SUN3: variants seen among roughly 807,000 people sequenced by gnomAD.
SUN3 encodes Sad1 and UNC84 domain containing 3.
SUN3 carries 36 observed loss-of-function variants against 48.2 expected under a neutral mutation model. The ratio of observed to expected loss-of-function variants is 0.75; its 90% confidence interval spans 0.57 to 0.99. The LOEUF (loss-of-function observed/expected upper bound fraction) is 0.99. Among genes scored for constraint, SUN3 ranks in the 50% least tolerant of loss-of-function variants. The probability of loss-of-function intolerance (pLI) is 0.00; values close to 1 mark genes in which losing one functional copy is unlikely to be tolerated. For synonymous variants in SUN3, 148 were observed against 147.9 expected (o/e 1.00, Z 0.00); for missense variants, 419 against 433.1 (o/e 0.97, Z 0.29).
intron 6 of SUN3, among the ~76,000 whole-genome samples, chr7:47,998,408 T>C (rs1789270179): frequency 6.6e-6 from 1 of 152,152 alleles, no homozygotes; most frequent in East Asian, 1.9e-4. Context: ...ATTTTTTATC[T>C]GGTTGTCTGT....
intron 3 of SUN3, among the ~76,000 whole-genome samples, chr7:48,015,980 A>G (rs1346037182): frequency 6.6e-6 from 1 of 152,172 alleles, no homozygotes; most frequent in Non-Finnish European, 1.5e-5. Flanking sequence ...AAGATTAGAA[A>G]TTACAGTTTA....
chr7:47,989,289 G>A (rs544537192), intron 8 of SUN3, among the ~76,000 whole-genome samples: 30 of 152,274 alleles, frequency 2.0e-4, no homozygotes, highest in Non-Finnish European at 3.4e-4. Context: ...ATAAAAATGC[G>A]TCGCCATACT....
intron 9 of SUN3, 88 bp from the exon 10 acceptor site, chr7:47,987,537 T>C: frequency 7.8e-7 from 1 of 1,277,834 alleles, no homozygotes; most frequent in African/African-American, 1.6e-5. Context: ...TTAAATTATA[T>C]ACTTTTTTTT....
intron 5 of SUN3, 21 bp downstream of exon 5, chr7:48,007,144 C>A: frequency 1.9e-6 from 3 of 1,601,154 alleles, no homozygotes; most frequent in Non-Finnish European, 2.6e-6. Context: ...CCTGCCCAAC[C>A]CGCCTAGCCT....
intron 8 of SUN3, among the ~76,000 whole-genome samples, chr7:47,991,458 C>T (rs554246579): frequency 9.9e-5 from 15 of 152,248 alleles, no homozygotes; most frequent in African/African-American, 3.4e-4. Context: ...TGTTTTGAAA[C>T]TCCAGATATG....
At chr7:48,032,650 A>T (rs73337818), upstream of SUN3, among the ~76,000 whole-genome samples, 750 of 152,358 alleles carry the variant, frequency 4.9e-3, 5 homozygotes, top group African/African-American at 0.017. Flanking sequence ...AGATTATCAG[A>T]AAAAAGCACA....
At chr7:48,023,058 G>A (rs755499223) in intron 2 of SUN3, among the ~76,000 whole-genome samples, 30 of 152,076 alleles carry the variant, frequency 2.0e-4, no homozygotes, top group Non-Finnish European at 3.5e-4. Flanking sequence ...ACTCAATGCC[G>A]CATGAAGCAA....
rs1789553853 is a variant in SUN3 at position 48,007,321 on chromosome 7, TTCCTTCCTGTAAAGGGAAAATC to T, written c.330-16_335del. 3 of 1,613,428 alleles carry T rather than the reference TTCCTTCCTGTAAAGGGAAAATC, an allele frequency of 1.9e-6. No homozygotes were observed. Among genetic ancestry groups the T allele is most frequent in the Non-Finnish European group, 2.5e-6 (3 of 1,179,532 alleles). On this transcript the variant is annotated splice_acceptor_variant and splice_polypyrimidine_tract_variant and coding_sequence_variant and intron_variant, in exon 5 of 10. Coordinates refer to ENST00000297325, the MANE Select transcript of SUN3 (RefSeq NM_001030019.2). LOFTEE classifies it high-confidence loss of function. ...GAAAATTGTTTTCCAGATTCTGGCT[TTCCTTCCTGTAAAGGGAAAATC>T]TCAGCATGAGAGGAAGAAAGTGTAA...
At chr7:48,024,989 T>A (rs1241499913) in intron 2 of SUN3, among the ~76,000 whole-genome samples, 1 of 152,140 alleles carries the variant, frequency 6.6e-6, no homozygotes, top group Non-Finnish European at 1.5e-5. Context: ...CTTGTGGGAA[T>A]GTAAAATAGT....
chr7:48,007,854 C>T (rs1789574847), intron 4 of SUN3, among the ~76,000 whole-genome samples: 1 of 149,546 alleles, frequency 6.7e-6, no homozygotes, highest in Admixed American at 6.6e-5. Flanking sequence ...GATGGAGTCT[C>T]ACTCTGTCCC....
chr7:47,999,695 C>G (rs1249766067), intron 6 of SUN3, among the ~76,000 whole-genome samples: 1 of 152,180 alleles, frequency 6.6e-6, no homozygotes, highest in African/African-American at 2.4e-5. Flanking sequence ...CGCCACCGCG[C>G]CTGGCTGTTT....
At chr7:47,990,489 C>G (rs1789025087) in intron 8 of SUN3, among the ~76,000 whole-genome samples, 1 of 152,034 alleles carries the variant, frequency 6.6e-6, no homozygotes, top group Non-Finnish European at 1.5e-5. Flanking sequence ...GAGACTGGTG[C>G]CGGCGCGGGT....
At position 48,007,300 on chromosome 7, in the gene SUN3, A is replaced by T. The variant is rs1223230539; in HGVS notation, c.357T>A (p.Asn119Lys). ...LKKESQNLEN[N>K]FRQILFLIEQ... Reference sequence around the variant, plus strand: ...CGATCAAAAATAGAATTTGACGAAAATTGTTTTCCAGATTCTGGCTTTCCT... The same window carrying T: ...CGATCAAAAATAGAATTTGACGAAATTTGTTTTCCAGATTCTGGCTTTCCT... Residue 119 changes from asparagine (N) to lysine (K), a missense_variant, in exon 5 of 10, where the codon AAT becomes AAA. Physicochemically the swap from Asn to Lys is moderately conservative, Grantham distance 94. Transcript: ENST00000297325. The T allele has an allele frequency of 1.9e-6, 3 of 1,613,902 alleles. No individual in the cohort carries two copies. Among genetic ancestry groups the T allele is most frequent in the Non-Finnish European group, 2.5e-6 (3 of 1,179,954 alleles).
upstream of SUN3, among the ~76,000 whole-genome samples, chr7:48,031,441 G>A (rs1790255433): frequency 6.6e-6 from 1 of 152,204 alleles, no homozygotes; most frequent in South Asian, 2.1e-4. Flanking sequence ...TGAGGCAGGA[G>A]GACTGCTTGA....
At chr7:48,001,555 A>C (rs1196851993) in intron 6 of SUN3, among the ~76,000 whole-genome samples, 2 of 106,514 alleles carry the variant, frequency 1.9e-5, no homozygotes, top group African/African-American at 3.5e-5. Flanking sequence ...TTTTTTTGAG[A>C]CAGAGTCTCG....
intron 1 of SUN3, 134 bp downstream of exon 1, chr7:48,028,683 C>T: frequency 2.6e-6 from 3 of 1,173,014 alleles, no homozygotes; most frequent in Non-Finnish European, 3.6e-6. Flanking sequence ...TCAAAGGAAA[C>T]TATTGAAAAT....
At chr7:48,005,864 T>G in intron 6 of SUN3, 105 bp downstream of exon 6, 2 of 525,468 alleles carry the variant, frequency 3.8e-6, no homozygotes, top group Non-Finnish European at 3.3e-6. Context: ...CCCCCCAAGT[T>G]ACCAGATAAA....
intron 6 of SUN3, among the ~76,000 whole-genome samples, chr7:48,001,980 G>A (rs2128774196): frequency 1.3e-5 from 2 of 152,160 alleles, no homozygotes; most frequent in South Asian, 4.2e-4. Flanking sequence ...AGGTCTTTGA[G>A]GAATCACTGT....
intron 5 of SUN3, 79 bp downstream of exon 5, chr7:48,007,086 A>G: frequency 7.1e-7 from 1 of 1,407,054 alleles, no homozygotes; most frequent in Non-Finnish European, 9.7e-7. Context: ...TCGGAAGGAC[A>G]TACTCACTCC....
Sources: allele counts gnomAD v4.1 joint callset (sites outside exome capture counted in the v4.1 genomes callset), GRCh38; gene constraint gnomAD v4.1.1; transcripts MANE v1.5; gene names NCBI Gene and HGNC (gene_info 2026-07-23, HGNC 2026-07-21).